The following FBXL17 variants were observed in gnomAD, a reference collection of about 807,000 sequenced individuals.
FBXL17 encodes F-box and leucine rich repeat protein 17.
In FBXL17, 22 loss-of-function variants were observed where a neutral mutation model predicts 66.2. The ratio of observed to expected loss-of-function variants is 0.33; its 90% CI spans 0.24 to 0.47. The LOEUF is 0.47. FBXL17 is among the 20% of genes least tolerant of loss of function. The pLI is 1.00. For synonymous variants in FBXL17, 474 were observed against 400.5 expected, an observed-to-expected ratio of 1.18 and a Z score of -2.19; for missense variants, 878 against 948.2, an observed-to-expected ratio of 0.93 and a Z score of 0.97.
At chr5:108,079,050 T>C (rs746397103) in intron 6 of FBXL17, among the ~76,000 whole-genome samples, 7 of 152,098 alleles carry the variant, frequency 4.6e-5, no homozygotes, top group Non-Finnish European at 8.8e-5. Flanking sequence ...GGTCTCACTA[T>C]GTGGTCCAGG....
intron 4 of FBXL17, among the ~76,000 whole-genome samples, chr5:108,248,940 T>G (rs1756229043): frequency 6.6e-6 from 1 of 152,008 alleles, no homozygotes; most frequent in Admixed American, 6.6e-5. Flanking sequence ...AAGAGAAAGC[T>G]CGTGAAATGA....
At chr5:108,020,818 C>T (rs367551035) in intron 7 of FBXL17, 107 bp downstream of exon 7, 43 of 773,812 alleles carry the variant, frequency 5.6e-5, no homozygotes, top group Non-Finnish European at 7.4e-5. Flanking sequence ...GCATAAGTGA[C>T]GATAGACAGT....
chr5:108,337,978 T>C (rs556614702), intron 4 of FBXL17, among the ~76,000 whole-genome samples: 16 of 152,158 alleles, frequency 1.1e-4, no homozygotes, highest in African/African-American at 3.4e-4. Flanking sequence ...ATAGAATGTA[T>C]ACTAGATCTG....
chr5:108,108,704 C>T (rs937775636), intron 6 of FBXL17, among the ~76,000 whole-genome samples: 1 of 151,818 alleles, frequency 6.6e-6, no homozygotes, highest in Non-Finnish European at 1.5e-5. Context: ...GATCTGTGTC[C>T]TTACTTAAAA....
Position 108,148,751 on chromosome 5 carries a change from G to T in FBXL17, c.1745+37366C>A, listed in dbSNP as rs561839889. ...GATTACAGATTAATATCTCAGGGTG[G>T]TCTCACAGGACACATCAGGCCAAGT... On this transcript the variant is annotated intron_variant, in intron 6 of 8. Coordinates refer to ENST00000542267, the MANE Select transcript of FBXL17 (RefSeq NM_001163315.3). 2.6e-5 allele frequency among the ~76,000 whole-genome samples: 4 copies of T among 152,286 alleles called. No individual in the cohort carries two copies. The East Asian group carries it at 7.7e-4, about 29-fold the overall frequency.
Position 108,094,596 on chromosome 5 carries a change from A to C in FBXL17, c.1746-73595T>G, listed in dbSNP as rs201730579. 1.6e-4 allele frequency among the ~76,000 whole-genome samples: 25 copies of C among 152,278 alleles called. No individual in the cohort carries two copies. In the East Asian group the frequency reaches 4.6e-3, roughly 28 times the overall value. On this transcript the variant is annotated intron_variant, in intron 6 of 8. Transcript: ENST00000542267. ...ATTTACAACTTCCCCATTCATGTACAAAAACAGGTCTGTGGACAAATAACA... is the reference window on the plus strand; with the variant it reads ...ATTTACAACTTCCCCATTCATGTACCAAAACAGGTCTGTGGACAAATAACA...
intron 6 of FBXL17, among the ~76,000 whole-genome samples, chr5:108,126,130 G>C (rs1430149811): frequency 2.6e-5 from 4 of 152,206 alleles, no homozygotes; most frequent in African/African-American, 7.2e-5. Flanking sequence ...CTGTAGACTA[G>C]AGATAGTCCT....
chr5:108,205,990 G>C (rs1348660014), intron 5 of FBXL17, among the ~76,000 whole-genome samples: 1 of 152,126 alleles, frequency 6.6e-6, no homozygotes, highest in Non-Finnish European at 1.5e-5. Context: ...AAGGTCTGCT[G>C]TCTCACTTTT....
At chr5:108,155,135 G>T (rs1184883423) in intron 6 of FBXL17, among the ~76,000 whole-genome samples, 2 of 152,016 alleles carry the variant, frequency 1.3e-5, no homozygotes, top group African/African-American at 4.8e-5. Context: ...TTAAACCTCT[G>T]GTGAAGTTTC....
intron 6 of FBXL17, among the ~76,000 whole-genome samples, chr5:108,033,139 T>C (rs898180274): frequency 3.3e-5 from 5 of 152,196 alleles, no homozygotes; most frequent in African/African-American, 9.6e-5. Flanking sequence ...AAAAAACCCA[T>C]TATCCATCAC....
intron 4 of FBXL17, among the ~76,000 whole-genome samples, chr5:108,342,615 C>A (rs1746957699): frequency 6.6e-6 from 1 of 152,204 alleles, no homozygotes; most frequent in South Asian, 2.1e-4. Flanking sequence ...ATCCAAAGGG[C>A]TAGAGAAGAG....
At chr5:107,904,975 G>A (rs1265547547) in intron 7 of FBXL17, among the ~76,000 whole-genome samples, 3 of 151,908 alleles carry the variant, frequency 2.0e-5, no homozygotes, top group Non-Finnish European at 4.4e-5. Flanking sequence ...GGGAAGAGGA[G>A]GGAAGAGGAA....
chr5:107,933,862 G>A (rs891499207), intron 7 of FBXL17, among the ~76,000 whole-genome samples: 3 of 152,024 alleles, frequency 2.0e-5, no homozygotes, highest in Non-Finnish European at 4.4e-5. Flanking sequence ...TAGGGATTGG[G>A]GAAGGGAAGG....
At chr5:107,869,561 T>G (rs921354692) in intron 8 of FBXL17, among the ~76,000 whole-genome samples, 1 of 152,186 alleles carries the variant, frequency 6.6e-6, no homozygotes, top group Admixed American at 6.5e-5. Context: ...ATATTGATTT[T>G]TCCAGGATCC....
At chr5:108,380,537 T>C (rs986469095) in intron 1 of FBXL17, among the ~76,000 whole-genome samples, 162 bp downstream of exon 1, 10 of 151,676 alleles carry the variant, frequency 6.6e-5, no homozygotes, top group African/African-American at 2.2e-4. Flanking sequence ...AAATAGGCCA[T>C]AGGCAGAGGC....
At chr5:108,318,161 C>T (rs929325656) in intron 4 of FBXL17, among the ~76,000 whole-genome samples, 3 of 151,554 alleles carry the variant, frequency 2.0e-5, no homozygotes, top group African/African-American at 7.3e-5. Flanking sequence ...AACAAAGATG[C>T]CTTGTATTCT....
At chr5:108,032,899 G>A (rs1180088740) in intron 6 of FBXL17, among the ~76,000 whole-genome samples, 1 of 152,160 alleles carries the variant, frequency 6.6e-6, no homozygotes, top group African/African-American at 2.4e-5. Context: ...AAGGTAACAT[G>A]TTAATGGCAA....
intron 6 of FBXL17, among the ~76,000 whole-genome samples, chr5:108,089,133 C>T (rs1192819821): frequency 6.6e-6 from 1 of 152,232 alleles, no homozygotes; most frequent in Admixed American, 6.5e-5. Flanking sequence ...AATTTATGTA[C>T]TTTTCCCTAT....
intron 7 of FBXL17, among the ~76,000 whole-genome samples, chr5:107,894,421 G>C (rs1749305644): frequency 6.6e-6 from 1 of 152,110 alleles, no homozygotes; most frequent in African/African-American, 2.4e-5. Context: ...GCAAAGATGG[G>C]GGACATTGGT....
Sources: gnomAD v4.1 joint callset for allele counts (sites outside exome capture counted in the v4.1 genomes callset) on GRCh38, gnomAD v4.1.1 for gene constraint, MANE v1.5 for transcripts, NCBI Gene and HGNC (gene_info 2026-07-23, HGNC 2026-07-21) for gene names.